The following AMOT variants were observed in gnomAD, a reference collection of about 807,000 sequenced individuals.
The protein encoded by AMOT is angiomotin.
In AMOT, 11 loss-of-function variants were observed where a neutral mutation model predicts 67.0. The observed-to-expected ratio is 0.16, with a 90% CI of 0.10 to 0.27. The LOEUF (loss-of-function observed/expected upper bound fraction) is 0.27. Among genes scored for constraint, AMOT ranks in the 10% least tolerant of loss-of-function variants. The probability of loss-of-function intolerance (pLI) is 1.00; values close to 1 mark genes in which losing one functional copy is unlikely to be tolerated. For missense variants in AMOT, 753 were observed against 852.0 expected (o/e 0.88, Z 1.45); for synonymous variants, 326 against 321.4 (o/e 1.01, Z -0.15).
chrX:112,792,046 T>C, intron 8 of AMOT, 65 bp from the exon 9 acceptor site: 1 of 1,148,263 alleles, frequency 8.7e-7, no homozygotes, highest in Middle Eastern at 2.5e-4. Context: ...GGGTCAATTA[T>C]GTATCCCCTA....
At chrX:112,781,956 T>G (rs1933192623) in intron 11 of AMOT, among the ~76,000 whole-genome samples, 1 of 111,969 alleles carries the variant, frequency 8.9e-6, no homozygotes, top group Non-Finnish European at 1.9e-5. Context: ...TGGCATGATC[T>G]TGACTCATTG....
At chrX:112,825,785 C>T (rs1236560785) in intron 2 of AMOT, among the ~76,000 whole-genome samples, 1 of 110,125 alleles carries the variant, frequency 9.1e-6, no homozygotes, top group Non-Finnish European at 1.9e-5. Flanking sequence ...AACTATTCCA[C>T]ACATTTGTCA....
chrX:112,780,948 G>A lies in AMOT; in HGVS notation c.2411C>T (p.Thr804Ile). 1.7e-6 allele frequency: 2 copies of A among 1,212,044 alleles called. No homozygotes were observed. Residue 804 changes from threonine (T) to isoleucine (I), a missense_variant, in exon 12 of 14, where the codon ACC becomes ATC. Transcript: ENST00000371959. The stretch of plus-strand genomic sequence containing the variant: ...TTCCATGATGGGGGAGCCAGTCAGG[G>A]TGGATGAGTGGGAGAGCAAGCCTGA... ...AGSGLLSHSS[T>I]LTGSPIMEEK...
At chrX:112,832,479 G>C (rs979327790) in intron 1 of AMOT, 109 bp from the exon 2 acceptor site, 1 of 111,647 alleles carries the variant, frequency 9.0e-6, no homozygotes, top group Admixed American at 9.5e-5. Context: ...GAATTTCACT[G>C]TTGCCCATTG....
rs750240202 is a variant in AMOT at position 112,779,721 on chromosome X, G to T, written c.2474-41C>A. 43 of 1,014,487 alleles carry T rather than the reference G, an allele frequency of 4.2e-5. No individual in the cohort carries two copies. The South Asian group carries it at 1.0e-3, about 25-fold the overall frequency. 83.6% of individuals were successfully genotyped at this position (1,014,487 alleles called of 1,213,427 possible). On this transcript the variant is annotated intron_variant, in intron 12 of 13. Transcript: ENST00000371959. ...GAACAGATGTTAGAAAACAATAGGT[G>T]ATTCAAATCCAGACATCTAATTACC...
At chrX:112,800,728 T>C (rs1319395920) in intron 8 of AMOT, among the ~76,000 whole-genome samples, 1 of 109,465 alleles carries the variant, frequency 9.1e-6, no homozygotes, top group Non-Finnish European at 1.9e-5. Context: ...AGGGAAAATA[T>C]TAGCCCTTAA....
chrX:112,833,480 G>A (rs1283560607), intron 1 of AMOT, among the ~76,000 whole-genome samples: 1 of 53,572 alleles, frequency 1.9e-5, no homozygotes, highest in Non-Finnish European at 3.3e-5. Context: ...GGGAGTAAAG[G>A]GGGGGGGGGG....
chrX:112,805,124 C>G, intron 7 of AMOT, 32 bp from the exon 8 acceptor site: 1 of 1,208,313 alleles, frequency 8.3e-7, no homozygotes, highest in Non-Finnish European at 1.1e-6. Context: ...ACACTGCCAG[C>G]CTGGAGCTAG....
At chrX:112,811,496 T>C (rs1934366830) in intron 5 of AMOT, 103 bp from the exon 6 acceptor site, 6 of 939,684 alleles carry the variant, frequency 6.4e-6, no homozygotes, top group African/African-American at 2.0e-5. Context: ...CTCCCAGGGC[T>C]CACAGATGGC....
chrX:112,788,152 G>A (rs938786414), intron 10 of AMOT, among the ~76,000 whole-genome samples: 1 of 110,221 alleles, frequency 9.1e-6, no homozygotes, highest in African/African-American at 3.3e-5. Context: ...AGCCAGGCGT[G>A]GTGGCACACG....
intron 8 of AMOT, among the ~76,000 whole-genome samples, chrX:112,794,775 TG>T (rs1338846565): frequency 8.9e-6 from 1 of 111,999 alleles, no homozygotes; most frequent in African/African-American, 3.2e-5. Flanking sequence ...CTTAGTAGAG[TG>T]TATAGTACAG....
intron 1 of AMOT, among the ~76,000 whole-genome samples, chrX:112,838,812 A>G (rs1348467189): frequency 3.6e-5 from 4 of 112,556 alleles, no homozygotes; most frequent in Admixed American, 2.8e-4. Flanking sequence ...CAATTTTACA[A>G]AGCCACGAAC....
At chrX:112,800,746 G>C (rs1435207152) in intron 8 of AMOT, among the ~76,000 whole-genome samples, 3 of 111,700 alleles carry the variant, frequency 2.7e-5, no homozygotes, top group African/African-American at 9.8e-5. Context: ...TAAGAACAAT[G>C]GTGGAAATGG....
chrX:112,788,186 G>A (rs1272641096), intron 10 of AMOT, among the ~76,000 whole-genome samples: 1 of 109,894 alleles, frequency 9.1e-6, no homozygotes, highest in Non-Finnish European at 1.9e-5. Context: ...CTGCTTGGGA[G>A]GCTGAAGTAG....
Position 112,781,033 on chromosome X carries a change from T to C in AMOT, c.2326A>G (p.Thr776Ala). The C allele has an allele frequency of 8.3e-7, 1 of 1,212,099 alleles. No individual in the cohort carries two copies. Among genetic ancestry groups the C allele is most frequent in the African/African-American group, 1.7e-5 (1 of 57,889 alleles). Residue 776 changes from threonine to alanine, a missense_variant, in exon 12 of 14, where the codon ACA becomes GCA. Around this residue, in one of 5 missense-constraint regions of AMOT, gnomAD observed 269 missense variants for 300.9 expected, o/e 0.89. Transcript: ENST00000371959. ...GGCCGCATGCACGACAGCTGCTCTGTCTTGCTCGGCTCCTTCCGGGAACGC... is the reference window on the plus strand; with the variant it reads ...GGCCGCATGCACGACAGCTGCTCTGCCTTGCTCGGCTCCTTCCGGGAACGC... ...QQRSRKEPSKTEQLSCMRPAK... is the reference protein window; with the variant it reads ...QQRSRKEPSKAEQLSCMRPAK...
At chrX:112,819,102 G>A (rs966429319) in intron 4 of AMOT, among the ~76,000 whole-genome samples, 1 of 110,961 alleles carries the variant, frequency 9.0e-6, no homozygotes, top group Non-Finnish European at 1.9e-5. Flanking sequence ...CAGTAGTAAG[G>A]ACTCAAAGGG....
chrX:112,782,005 C>T (rs763186234), intron 11 of AMOT, among the ~76,000 whole-genome samples: 2 of 111,538 alleles, frequency 1.8e-5, no homozygotes, highest in Non-Finnish European at 3.8e-5. Flanking sequence ...TCTCCTGCCT[C>T]GGCCTCCTGA....
intron 3 of AMOT, among the ~76,000 whole-genome samples, chrX:112,824,382 TA>T (rs1305468965): frequency 8.9e-6 from 1 of 111,873 alleles, no homozygotes; most frequent in African/African-American, 3.2e-5. Flanking sequence ...AAGGTCAGTT[TA>T]ACCAGCATCA....
chrX:112,804,898 T>TGGCCCCCC, intron 8 of AMOT, 49 bp downstream of exon 8: 2 of 837,585 alleles, frequency 2.4e-6, no homozygotes, highest in Non-Finnish European at 3.5e-6. Flanking sequence ...GTCCCCGATT[T>TGGCCCCCC]CCCAGCCCTC....
Sources: allele counts gnomAD v4.1 joint callset (sites outside exome capture counted in the v4.1 genomes callset), GRCh38; gene constraint gnomAD v4.1.1; regional missense constraint gnomAD v4.1.1; transcripts MANE v1.5; gene names NCBI Gene and HGNC (gene_info 2026-07-23, HGNC 2026-07-21).